FAM111B: variants seen among roughly 807,000 people sequenced by gnomAD.
FAM111B encodes FAM111 trypsin like peptidase B.
FAM111B carries 1 observed loss-of-function variant against 2.8 expected under a neutral mutation model. The ratio of observed to expected loss-of-function variants is 0.36; its 90% CI spans 0.13 to 1.70. FAM111B has a LOEUF of 1.70. Ranked by LOEUF, FAM111B falls within the 40% of genes most tolerant of loss-of-function variation. FAM111B has a pLI of 0.35. For missense variants in FAM111B, 882 were observed against 878.9 expected (o/e 1.00, Z -0.04); for synonymous variants, 297 against 295.6 (o/e 1.00, Z -0.05).
At chr11:59,109,906 A>G (rs1408461840) in intron 3 of FAM111B, 200 bp downstream of exon 3, 1 of 361,454 alleles carries the variant, frequency 2.8e-6, no homozygotes, top group Non-Finnish European at 5.0e-6. Context: ...ACGTATGTTA[A>G]GACAACAAGA....
intron 3 of FAM111B, among the ~76,000 whole-genome samples, chr11:59,118,856 G>A (rs948284177): frequency 6.6e-6 from 1 of 152,164 alleles, no homozygotes; most frequent in Non-Finnish European, 1.5e-5. Context: ...TTATTACAGT[G>A]ATATATTTTT....
chr11:59,121,880 C>T (rs967530951), intron 3 of FAM111B, among the ~76,000 whole-genome samples: 68 of 152,336 alleles, frequency 4.5e-4, no homozygotes, highest in Middle Eastern at 3.4e-3. Flanking sequence ...CGCAGTGGCT[C>T]ACACCTGTAA....
In FAM111B at chr11:59,126,118, G is replaced by A; in HGVS notation, c.2021G>A (p.Gly674Glu). ...ACCTTTGGGCTTTTTTATCAACGAG[G>A]ATTTAATGTGCATGCCCTTATTGAA... is the stretch of plus-strand genomic sequence containing the variant. ...LHTFGLFYQR[G>E]FNVHALIEFG... Residue 674 changes from glycine to glutamate, a missense_variant, in exon 4 of 4, where the codon GGA (glycine) becomes GAA (glutamate). Coordinates refer to ENST00000343597, the MANE Select transcript of FAM111B (RefSeq NM_198947.4). 2 of 1,613,302 alleles carry A rather than the reference G, an allele frequency of 1.2e-6. No homozygotes were observed. Among genetic ancestry groups the A allele is most frequent in the Non-Finnish European group, 8.5e-7 (1 of 1,179,658 alleles).
rs1860037189 is a variant in FAM111B at position 59,126,445 on chromosome 11, A to G, written c.*143A>G. The stretch of plus-strand genomic sequence containing the variant: ...CTTCTGCACAGCAAAAGAAACTATC[A>G]ACAGGGTAAACACACAACCTACGGA... On this transcript the variant is annotated 3_prime_UTR_variant, in exon 4 of 4. Transcript: ENST00000343597. 1 of 599,686 alleles carries G rather than the reference A, an allele frequency of 1.7e-6. No individual in the cohort carries two copies. Among genetic ancestry groups the G allele is most frequent in the African/African-American group, 1.9e-5 (1 of 53,100 alleles). 37.1% of individuals were successfully genotyped at this position (599,686 alleles called of 1,614,324 possible).
At position 59,124,795 on chromosome 11, in the gene FAM111B, C is replaced by G. The variant is rs747291996; in HGVS notation, c.698C>G (p.Ser233Cys). ...TTATGCAAGGATGGCCGTTTTCGGT[C>G]TGACATAGGTGAATTTGAATGGAAA... ...GALCKDGRFR[S>C]DIGEFEWKLK... Residue 233 changes from serine (S) to cysteine (C), a missense_variant, in exon 4 of 4, where the codon TCT becomes TGT. By Grantham distance (112) the Ser-to-Cys change is moderately radical (BLOSUM62 -1). Transcript: ENST00000343597. The G allele has an allele frequency of 3.7e-6, 6 of 1,613,478 alleles. No homozygotes were observed. Among genetic ancestry groups the G allele is most frequent in the Admixed American group, 1.7e-5 (1 of 59,936 alleles).
chr11:59,117,198 C>T (rs1479553918), intron 3 of FAM111B, among the ~76,000 whole-genome samples: 1 of 152,194 alleles, frequency 6.6e-6, no homozygotes, highest in African/African-American at 2.4e-5. Flanking sequence ...AGAAAACCCA[C>T]CATCACTACC....
chr11:59,126,236 C>T lies in FAM111B; in HGVS notation c.2139C>T (p.Tyr713=), dbSNP rs764234666. The part of the protein sequence containing the change: ...KSLNDEKLET[Y]DEEKGKQESS... ...TAAATGATGAGAAACTTGAGACCTA[C>T]GATGAAGAGAAAGGTAAACAAGAGT... Residue 713 remains tyrosine, a synonymous_variant, in exon 4 of 4, where the codon TAC becomes TAT. Coordinates refer to ENST00000343597, the MANE Select transcript of FAM111B (RefSeq NM_198947.4). 39 of 1,597,306 alleles carry T rather than the reference C, an allele frequency of 2.4e-5. No homozygotes were observed. Among genetic ancestry groups the T allele is most frequent in the South Asian group, 1.8e-4 (16 of 86,768 alleles).
chr11:59,116,030 C>T (rs903245435), intron 3 of FAM111B, among the ~76,000 whole-genome samples: 3 of 152,136 alleles, frequency 2.0e-5, no homozygotes, highest in African/African-American at 7.2e-5. Flanking sequence ...GCCTCTTTGG[C>T]TATCTTGACA....
Position 59,125,450 on chromosome 11 carries a change from C to G in FAM111B, c.1353C>G (p.Cys451Trp). Residue 451 changes from cysteine to tryptophan, a missense_variant, in exon 4 of 4, where the codon TGC becomes TGG. Physicochemically the swap from Cys to Trp is radical, Grantham distance 215. Coordinates refer to ENST00000343597, the MANE Select transcript of FAM111B (RefSeq NM_198947.4). ...MTANSVSVAT[C>W]EQLTYYSKSV... ...CAAATTCTGTTTCAGTTGCAACCTG[C>G]GAACAGCTTACATATTATAGCAAGT... 1.2e-6 allele frequency: 2 copies of G among 1,613,900 alleles called. No individual in the cohort carries two copies. Among genetic ancestry groups the G allele is most frequent in the Non-Finnish European group, 8.5e-7 (1 of 1,179,810 alleles).
Position 59,126,339 on chromosome 11 carries a change from T to G in FAM111B, c.*37T>G. 6.9e-7 allele frequency: 1 copy of G among 1,455,734 alleles called. No individual in the cohort carries two copies. The highest frequency in any genetic ancestry group is 9.1e-7 in the Non-Finnish European group (1 of 1,094,294). The allele number at this position is 1,455,734 out of a possible 1,614,324, so 90.2% of individuals were successfully genotyped here. ...TGTCTTCAAGAAAATATGCCAATAATTCCTGGCAAAGATTTCATGACAAAG... is the reference window on the plus strand; with the variant it reads ...TGTCTTCAAGAAAATATGCCAATAAGTCCTGGCAAAGATTTCATGACAAAG... On this transcript the variant is annotated 3_prime_UTR_variant, in exon 4 of 4. Coordinates refer to ENST00000343597, the MANE Select transcript of FAM111B (RefSeq NM_198947.4).
chr11:59,110,269 A>G (rs1859738466), intron 3 of FAM111B, among the ~76,000 whole-genome samples: 1 of 152,224 alleles, frequency 6.6e-6, no homozygotes, highest in African/African-American at 2.4e-5. Context: ...TTTAGAGTAC[A>G]GAGAGAAGAA....
chr11:59,125,319 G>A lies in FAM111B; in HGVS notation c.1222G>A (p.Glu408Lys). The change falls in exon 4 of 4, where the codon GAG becomes AAG. Residue 408 changes from glutamate to lysine, a missense_variant. Glu to Lys is a moderately conservative substitution (Grantham distance 56). Transcript: ENST00000343597. Reference protein sequence around the residue: ...IMHQYPNFKEEAQWVRKYFRE... With the variant: ...IMHQYPNFKEKAQWVRKYFRE... ...GCATCAGTATCCGAATTTTAAAGAGGAGGCACAGTGGGTAAGAAAATATTT... is the reference window on the plus strand; with the variant it reads ...GCATCAGTATCCGAATTTTAAAGAGAAGGCACAGTGGGTAAGAAAATATTT... 6.2e-7 allele frequency: 1 copy of A among 1,613,960 alleles called. No individual in the cohort carries two copies. Among genetic ancestry groups the A allele is most frequent in the Middle Eastern group, 1.7e-4 (1 of 6,060 alleles).
At position 59,125,858 on chromosome 11, in the gene FAM111B, A is replaced by C. The variant is rs373740832; in HGVS notation, c.1761A>C (p.Ile587=). Residue 587 remains isoleucine (I), a synonymous_variant, in exon 4 of 4, where the codon ATA becomes ATC. Transcript: ENST00000343597. ...IGHPEGQIKK[I]DGCTVIPLNE... ...ATCCTGAAGGCCAGATCAAGAAAAT[A>C]GATGGTTGTACTGTGATTCCTCTAA... 71 of 1,613,818 alleles carry C rather than the reference A, an allele frequency of 4.4e-5. No individual in the cohort carries two copies. In the South Asian group the frequency reaches 7.6e-4, roughly 17 times the overall value.
Position 59,124,348 on chromosome 11 carries a change from C to G in FAM111B, c.251C>G (p.Thr84Arg). 6 of 1,613,696 alleles carry G rather than the reference C, an allele frequency of 3.7e-6. No individual in the cohort carries two copies. The highest frequency in any genetic ancestry group is 4.2e-6 in the Non-Finnish European group (5 of 1,179,776). ...LNNKECCFTF[T>R]LNGNSRKLDR... ...AATAAAGAATGTTGTTTCACCTTTA[C>G]GTTGAATGGAAACTCCAGAAAATTA... is the stretch of plus-strand genomic sequence containing the variant. The change falls in exon 4 of 4, where the codon ACG becomes AGG. Residue 84 changes from threonine (T) to arginine (R), a missense_variant. Transcript: ENST00000343597.
intron 3 of FAM111B, among the ~76,000 whole-genome samples, chr11:59,117,094 C>T (rs929286352): frequency 2.6e-5 from 4 of 152,178 alleles, no homozygotes; most frequent in African/African-American, 9.7e-5. Flanking sequence ...CTTTGAATGT[C>T]TTTGGGTAAA....
intron 3 of FAM111B, among the ~76,000 whole-genome samples, chr11:59,122,686 T>A (rs1196436621): frequency 1.3e-5 from 2 of 152,052 alleles, no homozygotes; most frequent in Non-Finnish European, 2.9e-5. Flanking sequence ...CTCTGACATA[T>A]CCAAGAGTAG....
chr11:59,118,783 CT>C (rs869082061), intron 3 of FAM111B, among the ~76,000 whole-genome samples: 1 of 118,710 alleles, frequency 8.4e-6, no homozygotes, highest in Non-Finnish European at 1.8e-5. Flanking sequence ...TTACCAAATA[CT>C]TTCTCTATGT....
chr11:59,123,603 T>C (rs1015516283), intron 3 of FAM111B, among the ~76,000 whole-genome samples: 4 of 152,208 alleles, frequency 2.6e-5, no homozygotes, highest in Non-Finnish European at 4.4e-5. Context: ...ATAATCTAAA[T>C]ATTCAGCAAT....
Position 59,126,360 on chromosome 11 carries a change from C to A in FAM111B, c.*58C>A. The A allele has an allele frequency of 7.2e-7, 1 of 1,383,692 alleles. No individual in the cohort carries two copies. Among genetic ancestry groups the A allele is most frequent in the Non-Finnish European group, 9.7e-7 (1 of 1,031,294 alleles). 85.7% of individuals were successfully genotyped at this position (1,383,692 alleles called of 1,614,324 possible). A position where few individuals can be genotyped will look rare whatever the true frequency, so the allele number is the denominator to read the frequency against. Reference sequence around the variant, plus strand: ...ATAATTCCTGGCAAAGATTTCATGACAAAGACACTTAAAGCAATTGCAACA... The same window carrying A: ...ATAATTCCTGGCAAAGATTTCATGAAAAAGACACTTAAAGCAATTGCAACA... On this transcript the variant is annotated 3_prime_UTR_variant, in exon 4 of 4. Transcript: ENST00000343597.
Sources: gnomAD v4.1 joint callset for allele counts (sites outside exome capture counted in the v4.1 genomes callset) on GRCh38, gnomAD v4.1.1 for gene constraint, MANE v1.5 for transcripts, NCBI Gene and HGNC (gene_info 2026-07-23, HGNC 2026-07-21) for gene names.